The following UQCRB variants were observed in gnomAD, a reference collection of about 807,000 sequenced individuals.
UQCRB encodes the protein cytochrome b-c1 complex subunit 7.
Under a neutral mutation model 19.8 loss-of-function variants are expected in UQCRB, and 12 were observed. The observed-to-expected ratio is 0.61, with a 90% confidence interval of 0.39 to 0.98. The LOEUF is 0.98. UQCRB is among the 50% of genes least tolerant of loss of function. UQCRB has a pLI of 0.00. For synonymous variants in UQCRB, 39 were observed against 42.9 expected, an observed-to-expected ratio of 0.91 and a Z score of 0.35; for missense variants, 142 against 131.8, an observed-to-expected ratio of 1.08 and a Z score of -0.38.
chr8:96,233,150 G>A lies in UQCRB; in HGVS notation c.91+6C>T, dbSNP rs767877580. On this transcript the variant is annotated splice_donor_region_variant and intron_variant, in intron 2 of 3. Coordinates refer to ENST00000287022, the MANE Select transcript of UQCRB (RefSeq NM_006294.5). ...ACAAAAAACATTAAACAGCACAGCT[G>A]CTTACCCAGTTTATTGAATCCTGCA... 96 of 1,611,438 alleles carry A rather than the reference G, an allele frequency of 6.0e-5. No individual in the cohort carries two copies. Among genetic ancestry groups the A allele is most frequent in the Non-Finnish European group, 7.6e-5 (90 of 1,179,206 alleles).
At chr8:96,234,477 A>G in intron 1 of UQCRB, 1 of 1,288,482 alleles carries the variant, frequency 7.8e-7, no homozygotes, top group Non-Finnish European at 1.0e-6. Flanking sequence ...GATCTGGTCT[A>G]TGTAGTTCCC....
In UQCRB at chr8:96,231,924, A is replaced by C; in HGVS notation, c.108T>G (p.Asp36Glu). 2 of 1,613,406 alleles carry C rather than the reference A, an allele frequency of 1.2e-6. No individual in the cohort carries two copies. The highest frequency in any genetic ancestry group is 2.2e-5 in the South Asian group (2 of 91,088). The change falls in exon 3 of 4, where the codon GAT (aspartate) becomes GAG (glutamate). Residue 36 changes from aspartate (D) to glutamate (E), a missense_variant. Physicochemically the swap from Asp to Glu is conservative, Grantham distance 45. Transcript: ENST00000287022. ...TTACATCTTCATCCTCGTATATTGT[A>C]TCATCTCGCATTAACCCTATGATAG... ...GFNKLGLMRD[D>E]TIYEDEDVKE...
chr8:96,235,230 G>T (rs1809780508), intron 1 of UQCRB: 2 of 585,490 alleles, frequency 3.4e-6, no homozygotes, highest in Non-Finnish European at 6.1e-6. Context: ...AGGCCAAGGG[G>T]AAGGACTTCC....
Position 96,233,174 on chromosome 8 carries a change from C to T in UQCRB, c.73G>A (p.Ala25Thr). The change falls in exon 2 of 4, where the codon GCA becomes ACA. Residue 25 changes from alanine (A) to threonine (T), a missense_variant. Transcript: ENST00000287022. The part of the protein sequence containing the change: ...DGIRKWYYNA[A>T]GFNKLGLMRD... ...TGCTTACCCAGTTTATTGAATCCTG[C>T]AGCATTGTAATACCATTTTCGAATA... is the stretch of plus-strand genomic sequence containing the variant. 6.2e-7 allele frequency: 1 copy of T among 1,613,036 alleles called. No homozygotes were observed. The highest frequency in any genetic ancestry group is 8.5e-7 in the Non-Finnish European group (1 of 1,179,846).
chr8:96,229,178 C>T lies in UQCRB; in HGVS notation c.*1877G>A. ...AATCTGGAAACATAGAATAGGCATACACTTTGGCTTTAGGAAGAACTCTTA... is the reference window on the plus strand; with the variant it reads ...AATCTGGAAACATAGAATAGGCATATACTTTGGCTTTAGGAAGAACTCTTA... On this transcript the variant is annotated 3_prime_UTR_variant, in exon 4 of 4. Coordinates refer to ENST00000287022, the MANE Select transcript of UQCRB (RefSeq NM_006294.5). The T allele has an allele frequency of 2.2e-6, 1 of 454,110 alleles. No homozygotes were observed. The highest frequency in any genetic ancestry group is 1.6e-5 in the South Asian group (1 of 64,472). 28.1% of individuals were successfully genotyped at this position (454,110 alleles called of 1,614,324 possible). A position where few individuals can be genotyped will look rare whatever the true frequency, so the allele number is the denominator to read the frequency against.
rs372504617 is a variant in UQCRB at position 96,235,534 on chromosome 8, G to C, written c.-4C>G. On this transcript the variant is annotated 5_prime_UTR_variant, in exon 1 of 4. Transcript: ENST00000287022. ...TACCGGCCTGCTTACCAGCCATTTT[G>C]ACCAGAAAGAGAAGCGTTGCCTTCT... 2 of 1,614,208 alleles carry C rather than the reference G, an allele frequency of 1.2e-6. No homozygotes were observed. The highest frequency in any genetic ancestry group is 1.7e-6 in the Non-Finnish European group (2 of 1,180,046).
chr8:96,227,656 G>T lies in UQCRB; in HGVS notation c.*3399C>A. 1 of 454,104 alleles carries T rather than the reference G, an allele frequency of 2.2e-6. No individual in the cohort carries two copies. Among genetic ancestry groups the T allele is most frequent in the Non-Finnish European group, 4.4e-6 (1 of 226,782 alleles). 28.1% of individuals were successfully genotyped at this position (454,104 alleles called of 1,614,324 possible). ...TCCAAGTAGTTTGGTTATTTTCAAA[G>T]CTACACACAGGATGCCCATATTTTT... On this transcript the variant is annotated 3_prime_UTR_variant, in exon 4 of 4. Coordinates refer to ENST00000287022, the MANE Select transcript of UQCRB (RefSeq NM_006294.5).
intron 1 of UQCRB, chr8:96,234,524 A>C: frequency 7.8e-7 from 1 of 1,277,522 alleles, no homozygotes; most frequent in Non-Finnish European, 1.0e-6. Flanking sequence ...ATTTAGTAAG[A>C]CTCCTTCAAT....
At chr8:96,233,316 C>T (rs1183312390) in intron 1 of UQCRB, 89 bp from the exon 2 acceptor site, 3 of 1,155,432 alleles carry the variant, frequency 2.6e-6, no homozygotes, top group Non-Finnish European at 3.9e-6. Context: ...AGTTATCTTG[C>T]TGATGAATGC....
intron 2 of UQCRB, chr8:96,232,256 ATAT>A: frequency 3.3e-6 from 1 of 301,038 alleles, no homozygotes; most frequent in Non-Finnish European, 6.3e-6. Flanking sequence ...CATTTACAAA[ATAT>A]TTTAAATGTT....
At chr8:96,233,332 T>G in intron 1 of UQCRB, 105 bp from the exon 2 acceptor site, 1 of 1,019,240 alleles carries the variant, frequency 9.8e-7, no homozygotes, top group South Asian at 1.3e-5. Context: ...AATGCAAACA[T>G]AGAAATAAAT....
At chr8:96,235,371 T>A (rs956964765) in intron 1 of UQCRB, 141 bp downstream of exon 1, 1 of 1,257,328 alleles carries the variant, frequency 8.0e-7, no homozygotes, top group East Asian at 2.3e-5. Flanking sequence ...AAGCACATCC[T>A]TTTCACTGGA....
rs1302763246 is a variant in UQCRB, at chr8:96,231,923, T to C, written c.109A>G (p.Thr37Ala). 1.2e-6 allele frequency: 2 copies of C among 1,613,504 alleles called. No individual in the cohort carries two copies. The highest frequency in any genetic ancestry group is 1.7e-6 in the Non-Finnish European group (2 of 1,179,996). Residue 37 changes from threonine to alanine, a missense_variant, in exon 3 of 4, where the codon ACA (threonine) becomes GCA (alanine). Transcript: ENST00000287022. ...FNKLGLMRDDTIYEDEDVKEA... is the reference protein window; with the variant it reads ...FNKLGLMRDDAIYEDEDVKEA... Reference sequence around the variant, plus strand: ...TTTACATCTTCATCCTCGTATATTGTATCATCTCGCATTAACCCTATGATA... The same window carrying C: ...TTTACATCTTCATCCTCGTATATTGCATCATCTCGCATTAACCCTATGATA...
rs1809794302 is a variant in UQCRB at position 96,235,545 on chromosome 8, G to A, written c.-15C>T. 4.3e-6 allele frequency: 7 copies of A among 1,614,228 alleles called. No homozygotes were observed. Among genetic ancestry groups the A allele is most frequent in the African/African-American group, 1.3e-5 (1 of 75,060 alleles). ...TTACCAGCCATTTTGACCAGAAAGA[G>A]AAGCGTTGCCTTCTGGGTAAGTCAT... On this transcript the variant is annotated 5_prime_UTR_variant, in exon 1 of 4. Coordinates refer to ENST00000287022, the MANE Select transcript of UQCRB (RefSeq NM_006294.5).
chr8:96,231,791 A>T lies in UQCRB; in HGVS notation c.241T>A (p.Trp81Arg), dbSNP rs1381076868. Residue 81 changes from tryptophan (W) to arginine (R), a missense_variant, in exon 3 of 4, where the codon TGG (tryptophan) becomes AGG (arginine). Physicochemically the swap from Trp to Arg is moderately radical, Grantham distance 101. Coordinates refer to ENST00000287022, the MANE Select transcript of UQCRB (RefSeq NM_006294.5). ...TGTGCTACCTCTTCATATTTGGTCC[A>T]CTGCTCTTTAGGCAAGATCTGATGC... is the stretch of plus-strand genomic sequence containing the variant. ...LKHQILPKEQ[W>R]TKYEEENFYL... 3 of 1,614,084 alleles carry T rather than the reference A, an allele frequency of 1.9e-6. No individual in the cohort carries two copies. The highest frequency in any genetic ancestry group is 2.5e-6 in the Non-Finnish European group (3 of 1,180,040).
At position 96,227,242 on chromosome 8, in the gene UQCRB, C is replaced by T. The variant is rs769439579; in HGVS notation, c.*3813G>A. 19 of 453,902 alleles carry T rather than the reference C, an allele frequency of 4.2e-5. 1 individual carries two copies. The highest frequency in any genetic ancestry group is 2.9e-4 in the South Asian group (19 of 64,460). The allele number at this position is 453,902 out of a possible 1,614,324, so 28.1% of individuals were successfully genotyped here. A position where few individuals can be genotyped will look rare whatever the true frequency, so the allele number is the denominator to read the frequency against. Reference sequence around the variant, plus strand: ...TCATTGCACAACATATATTAGATTTCATTACATCAGTATATAGCTTAGTAG... The same window carrying T: ...TCATTGCACAACATATATTAGATTTTATTACATCAGTATATAGCTTAGTAG... On this transcript the variant is annotated 3_prime_UTR_variant, in exon 4 of 4. Coordinates refer to ENST00000287022, the MANE Select transcript of UQCRB (RefSeq NM_006294.5).
chr8:96,231,174 GAT>G (rs1809663530), intron 3 of UQCRB, 42 bp from the exon 4 acceptor site: 1 of 1,613,940 alleles, frequency 6.2e-7, no homozygotes, highest in African/African-American at 1.3e-5. Flanking sequence ...ATCACGTACT[GAT>G]ATATCCCAAA....
chr8:96,228,052 T>A lies in UQCRB; in HGVS notation c.*3003A>T, dbSNP rs1809564792. The A allele has an allele frequency of 4.4e-6, 2 of 453,982 alleles. No homozygotes were observed. The highest frequency in any genetic ancestry group is 2.0e-5 in the African/African-American group (1 of 50,004). The allele number at this position is 453,982 out of a possible 1,614,324, so 28.1% of individuals were successfully genotyped here. A position where few individuals can be genotyped will look rare whatever the true frequency, so the allele number is the denominator to read the frequency against. On this transcript the variant is annotated 3_prime_UTR_variant, in exon 4 of 4. Transcript: ENST00000287022. ...GGGGGTCTGAAGGCCCGACATCCCT[T>A]ACGCTGCTTCCTACATCTTGACAAC...
At position 96,232,712 on chromosome 8, in the gene UQCRB, G is replaced by C. The variant is rs932884288; in HGVS notation, c.91+444C>G. 6 of 170,030 alleles carry C rather than the reference G, an allele frequency of 3.5e-5. No homozygotes were observed. In the South Asian group the frequency reaches 8.4e-4, roughly 24 times the overall value. The allele number at this position is 170,030 out of a possible 1,614,324, so 10.5% of individuals were successfully genotyped here. A position where few individuals can be genotyped will look rare whatever the true frequency, so the allele number is the denominator to read the frequency against. ...TAGCCAGGCGTGGTGGCACACGCCT[G>C]TAATCCCAGCTACTCAGGAGGCTGA... On this transcript the variant is annotated intron_variant, in intron 2 of 3. Transcript: ENST00000287022.
Sources: gnomAD v4.1 joint callset for allele counts on GRCh38, gnomAD v4.1.1 for gene constraint, MANE v1.5 for transcripts, NCBI Gene and HGNC (gene_info 2026-07-23, HGNC 2026-07-21) for gene names.